Variants in SYT1 observed in about 807,000 individuals in gnomAD.
SYT1 encodes synaptotagmin-1.
SYT1 carries 8 observed loss-of-function variants against 44.8 expected under a neutral mutation model. The ratio of observed to expected loss-of-function variants is 0.18; its 90% CI spans 0.10 to 0.32. The LOEUF (loss-of-function observed/expected upper bound fraction) is 0.32, where lower values mean the gene tolerates loss of function less well. Among genes scored for constraint, SYT1 ranks in the 10% least tolerant of loss-of-function variants. The pLI, the probability that SYT1 is intolerant of heterozygous loss-of-function variation, is 1.00. For missense variants in SYT1, 286 were observed against 509.3 expected (o/e 0.56, Z 4.22); for synonymous variants, 154 against 188.8 (o/e 0.82, Z 1.51).
chr12:79,078,674 CTGA>C (rs1390107946), intron 3 of SYT1, among the ~76,000 whole-genome samples: 1 of 152,026 alleles, frequency 6.6e-6, no homozygotes, highest in African/African-American at 2.4e-5. Context: ...GCTATTCTTC[CTGA>C]TGCTCTCCCT....
chr12:79,185,335 C>A (rs1307580391), intron 3 of SYT1, among the ~76,000 whole-genome samples: 3 of 151,766 alleles, frequency 2.0e-5, no homozygotes, highest in Non-Finnish European at 4.4e-5. Flanking sequence ...TCTAGCAGTT[C>A]TATTGAGCCT....
intron 3 of SYT1, among the ~76,000 whole-genome samples, chr12:79,058,197 G>A (rs1875109158): frequency 6.6e-6 from 1 of 151,968 alleles, no homozygotes; most frequent in Non-Finnish European, 1.5e-5. Context: ...TTCCTTTTAA[G>A]ATGTTTTCTT....
chr12:79,105,033 T>A (rs1878637360), intron 3 of SYT1, among the ~76,000 whole-genome samples: 1 of 152,170 alleles, frequency 6.6e-6, no homozygotes, highest in Non-Finnish European at 1.5e-5. Context: ...CAGATCATAC[T>A]GTGCAGGATC....
intron 8 of SYT1, among the ~76,000 whole-genome samples, chr12:79,308,319 G>A (rs1324832056): frequency 2.0e-5 from 3 of 152,054 alleles, no homozygotes; most frequent in Non-Finnish European, 2.9e-5. Context: ...GAGGTCAGGA[G>A]TTCGAGACCA....
intron 1 of SYT1, among the ~76,000 whole-genome samples, chr12:78,886,233 C>T (rs376282635): frequency 4.6e-5 from 7 of 151,942 alleles, no homozygotes; most frequent in African/African-American, 1.4e-4. Flanking sequence ...CATTCACAAA[C>T]GTCAGAGAAT....
chr12:79,127,375 G>A (rs1868505949), intron 3 of SYT1, among the ~76,000 whole-genome samples: 1 of 151,852 alleles, frequency 6.6e-6, no homozygotes, highest in African/African-American at 2.4e-5. Context: ...TGCAAAAGAT[G>A]TGAAAAACAT....
rs375084755 is a variant in SYT1, at chr12:79,188,165, T to C, written c.-17-29338T>C. On this transcript the variant is annotated intron_variant, in intron 3 of 10. Coordinates refer to ENST00000261205, the MANE Select transcript of SYT1 (RefSeq NM_005639.3). ...GAAATTTCCTATTCCAGTTCCCTTT[T>C]TCATCCAGAGATTTTTATAAGATCA... Among the ~76,000 whole-genome samples the C allele has an allele frequency of 3.9e-5, 6 of 152,236 alleles. No homozygotes were observed. The South Asian group carries it at 6.2e-4, about 16-fold the overall frequency.
chr12:78,892,417 A>G (rs1875109550), intron 1 of SYT1, among the ~76,000 whole-genome samples: 1 of 151,776 alleles, frequency 6.6e-6, no homozygotes, highest in African/African-American at 2.4e-5. Flanking sequence ...AAAAATCAAA[A>G]AAGTTATAAA....
rs1331040697 is a variant in SYT1, at chr12:79,039,616, TTA to T, written c.-83-7679_-83-7678del. 8.5e-3 allele frequency among the ~76,000 whole-genome samples: 1,261 copies of T among 148,708 alleles called. 14 individuals carry two copies. Among genetic ancestry groups the T allele is most frequent in the African/African-American group, 0.024 (972 of 41,030 alleles). The stretch of plus-strand genomic sequence containing the variant: ...TTATTTTTTTATTTTTTATTTATTT[TTA>T]TTTTTTTATTTTTTTTATTATACTT... On this transcript the variant is annotated intron_variant, in intron 2 of 10. Transcript: ENST00000261205.
chr12:79,169,703 T>A (rs1187517352), intron 3 of SYT1, among the ~76,000 whole-genome samples: 1 of 152,054 alleles, frequency 6.6e-6, no homozygotes, highest in East Asian at 1.9e-4. Flanking sequence ...AGAGCTTTTT[T>A]TTTAACTTTT....
At chr12:79,072,767 A>G (rs760067842) in intron 3 of SYT1, among the ~76,000 whole-genome samples, 3 of 152,126 alleles carry the variant, frequency 2.0e-5, no homozygotes, top group Non-Finnish European at 4.4e-5. Flanking sequence ...GAGAAATGGA[A>G]CGATTAATTC....
chr12:79,395,662 C>T lies in SYT1; in HGVS notation c.928+42043C>T, dbSNP rs78655812. 4.2e-4 allele frequency among the ~76,000 whole-genome samples: 64 copies of T among 152,274 alleles called. 1 individual carries two copies. The East Asian group carries it at 0.012, about 28-fold the overall frequency. ...TTGGCCTCCCAAAGTGCTGGGATTA[C>T]AGGCATGAGCCAACATGCCTGACTA... is the stretch of plus-strand genomic sequence containing the variant. On this transcript the variant is annotated intron_variant, in intron 9 of 10. Coordinates refer to ENST00000261205, the MANE Select transcript of SYT1 (RefSeq NM_005639.3).
chr12:79,006,593 A>G lies in SYT1; in HGVS notation c.-84+28662A>G, dbSNP rs548382341. ...ATCTTCTGAGAGCCCCTGAAATGAC[A>G]TCTGTCCCATCTGTTTTATTTATTT... On this transcript the variant is annotated intron_variant, in intron 2 of 10. Coordinates refer to ENST00000261205, the MANE Select transcript of SYT1 (RefSeq NM_005639.3). Among the ~76,000 whole-genome samples the G allele has an allele frequency of 3.3e-5, 5 of 152,192 alleles. No individual in the cohort carries two copies. The South Asian group carries it at 6.2e-4, about 19-fold the overall frequency.
intron 4 of SYT1, among the ~76,000 whole-genome samples, chr12:79,271,529 T>G (rs890331745): frequency 2.6e-5 from 4 of 152,116 alleles, no homozygotes; most frequent in Non-Finnish European, 5.9e-5. Context: ...AGACTGAGAT[T>G]TTAACACCTG....
chr12:78,970,646 C>T (rs1346544988), intron 1 of SYT1, among the ~76,000 whole-genome samples: 1 of 152,144 alleles, frequency 6.6e-6, no homozygotes, highest in Non-Finnish European at 1.5e-5. Flanking sequence ...CTATTATCTT[C>T]TTCAGAGGAT....
chr12:78,883,685 A>G (rs1874585320), intron 1 of SYT1, among the ~76,000 whole-genome samples: 2 of 151,740 alleles, frequency 1.3e-5, no homozygotes, highest in Admixed American at 6.6e-5. Flanking sequence ...ATTTGAGCCA[A>G]TGTTACCTAT....
At chr12:79,039,630 T>C (rs1474887164) in intron 2 of SYT1, among the ~76,000 whole-genome samples, 2 of 151,752 alleles carry the variant, frequency 1.3e-5, no homozygotes, top group Middle Eastern at 3.4e-3. Context: ...TTTTTTATTT[T>C]TTTTATTATA....
chr12:79,224,742 TA>T (rs1875391160), intron 4 of SYT1, among the ~76,000 whole-genome samples: 1 of 53,790 alleles, frequency 1.9e-5, no homozygotes, highest in Admixed American at 2.1e-4. Context: ...ATTTTTTATT[TA>T]TTTATTTTTT....
At chr12:79,390,347 G>A (rs887807360) in intron 9 of SYT1, among the ~76,000 whole-genome samples, 5 of 152,070 alleles carry the variant, frequency 3.3e-5, no homozygotes, top group Admixed American at 2.6e-4. Flanking sequence ...TGGGTCAAAC[G>A]ACGTTAGTAA....
Sources: gnomAD v4.1 joint callset for allele counts (sites outside exome capture counted in the v4.1 genomes callset) on GRCh38, gnomAD v4.1.1 for gene constraint, MANE v1.5 for transcripts, NCBI Gene and HGNC (gene_info 2026-07-23, HGNC 2026-07-21) for gene names.